BIRC6: variants seen among roughly 807,000 people sequenced by gnomAD.
BIRC6 encodes the protein baculoviral IAP repeat containing 6.
In BIRC6, 98 loss-of-function variants were observed where a neutral mutation model predicts 503.3. That is an observed-to-expected ratio of 0.19 (90% CI 0.17 to 0.23). The LOEUF is 0.23. BIRC6 is among the 10% of genes least tolerant of loss of function. BIRC6 has a pLI of 1.00. For synonymous variants in BIRC6, 2,240 were observed against 2,078.7 expected, an observed-to-expected ratio of 1.08 and a Z score of -2.11; for missense variants, 5,360 against 5,806.0, an observed-to-expected ratio of 0.92 and a Z score of 2.50.
Position 32,357,269 on chromosome 2 carries a change from C to G in BIRC6, c.108C>G (p.Ala36=). 2 of 1,522,278 alleles carry G rather than the reference C, an allele frequency of 1.3e-6. No homozygotes were observed. Among genetic ancestry groups the G allele is most frequent in the South Asian group, 2.5e-5 (2 of 81,592 alleles). 94.3% of individuals were successfully genotyped at this position (1,522,278 alleles called of 1,614,324 possible). Residue 36 remains alanine, a synonymous_variant, in exon 1 of 74, where the codon GCC becomes GCG. Coordinates refer to ENST00000421745, the MANE Select transcript of BIRC6 (RefSeq NM_016252.4). The surrounding 1 kb of genome is among the most constrained non-coding windows in gnomAD (Gnocchi z 4.9). ...GRKMAAAAAA[A]SGPGCSSAAG... ...AGATGGCGGCTGCGGCTGCGGCGGC[C>G]TCGGGCCCCGGCTGCTCCTCGGCGG...
intron 16 of BIRC6, 134 bp downstream of exon 16, chr2:32,439,820 G>T: frequency 2.9e-6 from 2 of 687,564 alleles, no homozygotes; most frequent in South Asian, 2.8e-5. Context: ...TTTTGTCTTT[G>T]GAGTGACTTA....
chr2:32,394,084 A>G (rs1034893753), intron 5 of BIRC6, among the ~76,000 whole-genome samples: 17 of 150,922 alleles, frequency 1.1e-4, no homozygotes, highest in African/African-American at 3.7e-4. Context: ...AACATGGACC[A>G]TTTTTCTAGC....
intron 42 of BIRC6, among the ~76,000 whole-genome samples, chr2:32,488,948 A>T (rs2051340201): frequency 6.6e-6 from 1 of 152,198 alleles, no homozygotes; most frequent in Non-Finnish European, 1.5e-5. Context: ...CCTGTATGCA[A>T]CTAAAATTTA....
chr2:32,570,613 C>T (rs1175293059), intron 65 of BIRC6, among the ~76,000 whole-genome samples: 1 of 151,926 alleles, frequency 6.6e-6, no homozygotes, highest in Non-Finnish European at 1.5e-5. Context: ...ATTCTCCTGC[C>T]TCAGCACCCC....
At chr2:32,572,879 A>G (rs1436031108) in intron 65 of BIRC6, among the ~76,000 whole-genome samples, 2 of 152,086 alleles carry the variant, frequency 1.3e-5, no homozygotes, top group Non-Finnish European at 2.9e-5. Context: ...GATAGTCTCT[A>G]TTTTACATCA....
intron 62 of BIRC6, 108 bp from the exon 63 acceptor site, chr2:32,545,535 G>A: frequency 1.1e-6 from 1 of 881,440 alleles, no homozygotes; most frequent in Non-Finnish European, 1.9e-6. Flanking sequence ...ATAATTTAGT[G>A]GTATACTTTT....
At chr2:32,377,542 C>T (rs1317390655) in intron 1 of BIRC6, 46 bp from the exon 2 acceptor site, 10 of 1,440,580 alleles carry the variant, frequency 6.9e-6, no homozygotes, top group South Asian at 1.3e-5. Flanking sequence ...TTTAATAGAC[C>T]ATTGGCCTGA....
intron 21 of BIRC6, among the ~76,000 whole-genome samples, chr2:32,446,757 TTTTTTTTTTTTTTTA>T: frequency 7.3e-6 from 1 of 137,290 alleles, no homozygotes. Context: ...TTTTTTTTTT[TTTTTTTTTTTTTTTA>T]TTGATCATTC....
chr2:32,468,664 A>T lies in BIRC6; in HGVS notation c.6008A>T (p.Lys2003Met), dbSNP rs1477199831. 6.2e-7 allele frequency: 1 copy of T among 1,614,050 alleles called. No homozygotes were observed. Among genetic ancestry groups the T allele is most frequent in the South Asian group, 1.1e-5 (1 of 91,088 alleles). Reference sequence around the variant, plus strand: ...AAAGTGGCGCTAGGTGCAAGCCGGAAGATGTTGAGTGAAACATCAAATCCA... The same window carrying T: ...AAAGTGGCGCTAGGTGCAAGCCGGATGATGTTGAGTGAAACATCAAATCCA... ...RLKVALGASR[K>M]MLSETSNPED... Residue 2003 changes from lysine to methionine, a missense_variant, in exon 29 of 74, where the codon AAG (lysine) becomes ATG (methionine). By Grantham distance (95) the Lys-to-Met change is moderately conservative. This residue lies in a region of BIRC6 where 2,299 missense variants were observed against 2,267.2 expected (regional missense o/e 1.01). Transcript: ENST00000421745.
intron 15 of BIRC6, among the ~76,000 whole-genome samples, chr2:32,437,968 A>G (rs1340269637): frequency 6.6e-6 from 1 of 152,016 alleles, no homozygotes; most frequent in Non-Finnish European, 1.5e-5. Context: ...AAAATTTTTT[A>G]TTTTTTAGAG....
At chr2:32,592,267 AG>A (rs2061430222) in intron 66 of BIRC6, among the ~76,000 whole-genome samples, 1 of 152,220 alleles carries the variant, frequency 6.6e-6, no homozygotes, top group Non-Finnish European at 1.5e-5. Flanking sequence ...CTTATAACTC[AG>A]GGAAGATAAG....
At chr2:32,387,837 T>C (rs535394918) in intron 3 of BIRC6, among the ~76,000 whole-genome samples, 1 of 152,312 alleles carries the variant, frequency 6.6e-6, no homozygotes, top group South Asian at 2.1e-4. Context: ...TTTGGTGATA[T>C]ATATAAGAAC....
chr2:32,592,289 AG>A (rs1408039186), intron 66 of BIRC6, among the ~76,000 whole-genome samples: 1 of 152,234 alleles, frequency 6.6e-6, no homozygotes, highest in African/African-American at 2.4e-5. Context: ...AAGAGAGCAC[AG>A]GAAAAAAGGC....
rs760011890 is a variant in BIRC6, at chr2:32,515,075, G to T, written c.10654G>T (p.Val3552Leu). The T allele has an allele frequency of 1.9e-6, 3 of 1,613,808 alleles. No homozygotes were observed. In the East Asian group the frequency reaches 6.7e-5, roughly 36 times the overall value. The change falls in exon 55 of 74, where the codon GTA (valine) becomes TTA (leucine). Residue 3552 changes from valine to leucine, a missense_variant. Coordinates refer to ENST00000421745, the MANE Select transcript of BIRC6 (RefSeq NM_016252.4). ...VDSLLCSMCHVHPNYFSLLMG... is the reference protein window; with the variant it reads ...VDSLLCSMCHLHPNYFSLLMG... Reference sequence around the variant, plus strand: ...CAGTCTACTTTGCTCAATGTGTCACGTACACCCAAACTATTTTTCTTTGCT... The same window carrying T: ...CAGTCTACTTTGCTCAATGTGTCACTTACACCCAAACTATTTTTCTTTGCT...
chr2:32,364,936 C>T (rs1487959507), intron 1 of BIRC6, among the ~76,000 whole-genome samples: 2 of 152,124 alleles, frequency 1.3e-5, no homozygotes, highest in African/African-American at 2.4e-5. Flanking sequence ...GTTCTAATTC[C>T]TGGCTAACTT....
At chr2:32,412,506 C>CA (rs961169963) in intron 9 of BIRC6, among the ~76,000 whole-genome samples, 47 of 143,858 alleles carry the variant, frequency 3.3e-4, no homozygotes, top group African/African-American at 7.7e-4. Flanking sequence ...TCAAAAAAAA[C>CA]AAAAAAAAAG....
At chr2:32,430,119 A>G (rs1423208300) in intron 11 of BIRC6, among the ~76,000 whole-genome samples, 1 of 152,190 alleles carries the variant, frequency 6.6e-6, no homozygotes, top group Non-Finnish European at 1.5e-5. Flanking sequence ...TTAAACTTGT[A>G]ATAATTTTAT....
At chr2:32,443,285 G>A (rs2045615351) in intron 19 of BIRC6, 1 of 499,392 alleles carries the variant, frequency 2.0e-6, no homozygotes, top group East Asian at 3.4e-5. Context: ...AAAGATAAGG[G>A]TTTAATGCAT....
chr2:32,357,282 T>C lies in BIRC6; in HGVS notation c.121T>C (p.Cys41Arg), dbSNP rs1221491909. 6 of 1,524,560 alleles carry C rather than the reference T, an allele frequency of 3.9e-6. No individual in the cohort carries two copies. In the African/African-American group the frequency reaches 8.6e-5, roughly 22 times the overall value. 94.4% of individuals were successfully genotyped at this position (1,524,560 alleles called of 1,614,324 possible). ...AAAAAASGPG[C>R]SSAAGAGAAG... ...GGCTGCGGCGGCCTCGGGCCCCGGCTGCTCCTCGGCGGCGGGGGCGGGGGC... is the reference window on the plus strand; with the variant it reads ...GGCTGCGGCGGCCTCGGGCCCCGGCCGCTCCTCGGCGGCGGGGGCGGGGGC... Residue 41 changes from cysteine to arginine, a missense_variant, in exon 1 of 74, where the codon TGC becomes CGC. Around this residue, in one of 16 missense-constraint regions of BIRC6, gnomAD observed 145 missense variants for 106.9 expected, o/e 1.36. Transcript: ENST00000421745. The surrounding 1 kb of genome is among the most constrained non-coding windows in gnomAD (Gnocchi z 4.9).
Sources: allele counts gnomAD v4.1 joint callset (sites outside exome capture counted in the v4.1 genomes callset), GRCh38; gene constraint gnomAD v4.1.1; regional missense constraint gnomAD v4.1.1; non-coding constraint Gnocchi (gnomAD v3.1); transcripts MANE v1.5; gene names NCBI Gene and HGNC (gene_info 2026-07-23, HGNC 2026-07-21).